VILL: variants seen among roughly 807,000 people sequenced by gnomAD.
VILL encodes villin like.
Under a neutral mutation model 106.3 loss-of-function variants are expected in VILL, and 102 were observed. The ratio of observed to expected loss-of-function variants is 0.96; its 90% CI spans 0.82 to 1.13. VILL has a LOEUF of 1.13. Among genes scored for constraint, VILL ranks in the 50% most tolerant of loss-of-function variants. The pLI is 0.00. For missense variants in VILL, 1,076 were observed against 1,116.6 expected (o/e 0.96, Z 0.52); for synonymous variants, 431 against 440.3 (o/e 0.98, Z 0.27).
upstream of VILL, among the ~76,000 whole-genome samples, chr3:37,988,448 CTA>C (rs1324198219): frequency 6.6e-6 from 1 of 152,132 alleles, no homozygotes; most frequent in Admixed American, 6.5e-5. Context: ...AATGGGGAGT[CTA>C]TGTTTAATGG....
Position 38,004,349 on chromosome 3 carries a change from C to A in VILL, c.1900C>A (p.Gln634Lys). ...LVLAEVGFFS[Q>K]EDLDKYDIML... ...CCTCGCAGAAGTGGGGTTCTTCAGC[C>A]AGGAGGACCTGGACAAGTATGACAT... Residue 634 changes from glutamine to lysine, a missense_variant, in exon 16 of 20, where the codon CAG (glutamine) becomes AAG (lysine). Gln to Lys is a moderately conservative substitution (Grantham distance 53). Transcript: ENST00000383759. 1 of 1,613,768 alleles carries A rather than the reference C, an allele frequency of 6.2e-7. No individual in the cohort carries two copies. The highest frequency in any genetic ancestry group is 2.2e-5 in the East Asian group (1 of 44,856).
At chr3:38,002,234 C>T (rs1437470943) in intron 13 of VILL, 162 bp from the exon 14 acceptor site, 1 of 676,370 alleles carries the variant, frequency 1.5e-6, no homozygotes, top group Non-Finnish European at 2.5e-6. Context: ...GATTCCTGCA[C>T]TCCACACTTA....
chr3:37,992,934 T>C (rs543315116), intron 1 of VILL, among the ~76,000 whole-genome samples: 5 of 152,158 alleles, frequency 3.3e-5, no homozygotes, highest in Non-Finnish European at 7.4e-5. Context: ...GTTCCTGCTA[T>C]TGATAAGACA....
At chr3:37,994,212 G>C (rs983169136) in intron 3 of VILL, 49 bp from the exon 4 acceptor site, 1 of 1,553,842 alleles carries the variant, frequency 6.4e-7, no homozygotes, top group South Asian at 1.2e-5. Flanking sequence ...TTCTCCACCC[G>C]CACCTCCGTC....
chr3:37,997,019 C>T lies in VILL; in HGVS notation c.451-58C>T, dbSNP rs2125531734. The T allele has an allele frequency of 1.3e-6, 2 of 1,496,910 alleles. No homozygotes were observed. The highest frequency in any genetic ancestry group is 1.4e-5 in the African/African-American group (1 of 72,704). 92.7% of individuals were successfully genotyped at this position (1,496,910 alleles called of 1,614,324 possible). On this transcript the variant is annotated intron_variant, in intron 5 of 19. Transcript: ENST00000383759. This position sits in a 1 kb window ranked among gnomAD's most constrained non-coding sequence, Gnocchi z 4.7. ...GCACACGTGACACATCCCAGCTATG[C>T]TCCCCTCTAGCGGATGCTGGTGGTA...
intron 4 of VILL, among the ~76,000 whole-genome samples, 165 bp downstream of exon 4, chr3:37,994,631 T>TA (rs1443916366): frequency 6.6e-6 from 1 of 152,244 alleles, no homozygotes; most frequent in Non-Finnish European, 1.5e-5. Flanking sequence ...TTCACCCATT[T>TA]AAAGTACATA....
chr3:38,002,686 A>G, intron 14 of VILL, 111 bp downstream of exon 14: 1 of 1,219,016 alleles, frequency 8.2e-7, no homozygotes, highest in South Asian at 1.5e-5. Flanking sequence ...AGATAGGCCG[A>G]TGGGGGGAAT....
Position 37,993,651 on chromosome 3 carries a change from C to T in VILL, c.-22C>T. On this transcript the variant is annotated 5_prime_UTR_variant, in exon 2 of 20. Transcript: ENST00000383759. ...TCTGGCTGTTGTTCCTTGTGTCGTC[C>T]CATATTCCTGCCTGGCCTGCGATGG... 2 of 1,612,880 alleles carry T rather than the reference C, an allele frequency of 1.2e-6. No individual in the cohort carries two copies. The highest frequency in any genetic ancestry group is 4.5e-5 in the East Asian group (2 of 44,852).
intron 15 of VILL, 165 bp from the exon 16 acceptor site, chr3:38,004,090 C>A: frequency 1.2e-6 from 1 of 864,898 alleles, no homozygotes; most frequent in Non-Finnish European, 1.7e-6. Flanking sequence ...GGACCCTGTA[C>A]CCAGAGCAGA....
chr3:38,004,173 C>T, intron 15 of VILL, 82 bp from the exon 16 acceptor site: 4 of 1,529,136 alleles, frequency 2.6e-6, no homozygotes, highest in Non-Finnish European at 3.5e-6. Context: ...AGTGGCTTCC[C>T]AGGCCCTGGG....
rs755331784 is a variant in VILL at position 37,998,370 on chromosome 3, C to A, written c.942+6C>A. 1 of 1,613,826 alleles carries A rather than the reference C, an allele frequency of 6.2e-7. No individual in the cohort carries two copies. The highest frequency in any genetic ancestry group is 1.1e-5 in the South Asian group (1 of 91,064). On this transcript the variant is annotated splice_donor_region_variant and intron_variant, in intron 9 of 19. Transcript: ENST00000383759. This position sits in a 1 kb window ranked among gnomAD's most constrained non-coding sequence, Gnocchi z 4.1. ...CTGCCTTCAGCCGGGCTGTGGTGAGCCCTGGGGCTCTGTCTGAGAGGAACA... is the reference window on the plus strand; with the variant it reads ...CTGCCTTCAGCCGGGCTGTGGTGAGACCTGGGGCTCTGTCTGAGAGGAACA...
rs1391338532 is a variant in VILL, at chr3:38,002,180, A to G, written c.1480-216A>G. On this transcript the variant is annotated intron_variant, in intron 13 of 19. Coordinates refer to ENST00000383759, the MANE Select transcript of VILL (RefSeq NM_015873.4). ...GCCCCAACCACTCAGAGATGGGGGG[A>G]AAGGTCCATTTAAAAAGGGTCTGTC... The G allele has an allele frequency of 4.7e-6, 3 of 634,424 alleles. No homozygotes were observed. In the African/African-American group the frequency reaches 5.5e-5, roughly 12 times the overall value. 39.3% of individuals were successfully genotyped at this position (634,424 alleles called of 1,614,324 possible).
chr3:38,002,110 G>C (rs922954763), intron 13 of VILL: 4 of 669,130 alleles, frequency 6.0e-6, no homozygotes, highest in Non-Finnish European at 1.0e-5. Flanking sequence ...CTGCACACTA[G>C]CAAACCTGGT....
At chr3:37,994,529 C>T (rs1358358629) in intron 4 of VILL, 63 bp downstream of exon 4, 8 of 1,564,204 alleles carry the variant, frequency 5.1e-6, no homozygotes, top group South Asian at 1.2e-5. Context: ...CTGGGGCAGT[C>T]TTGGGATGGC....
At chr3:37,995,910 TAAG>T in intron 5 of VILL, 63 bp downstream of exon 5, 1 of 1,412,030 alleles carries the variant, frequency 7.1e-7, no homozygotes, top group Non-Finnish European at 1.0e-6. Context: ...TACTGAGGTA[TAAG>T]GAGGTTGGAA....
At chr3:37,989,113 T>G (rs555055170), upstream of VILL, among the ~76,000 whole-genome samples, 1 of 152,044 alleles carries the variant, frequency 6.6e-6, no homozygotes, top group African/African-American at 2.4e-5. Flanking sequence ...GGATCCACCA[T>G]GAACCAGCTG....
In VILL at chr3:37,998,545, C is replaced by T. The variant is rs1255844302; in HGVS notation, c.942+181C>T. Among the ~76,000 whole-genome samples, 1 of 152,162 alleles carries T rather than the reference C, an allele frequency of 6.6e-6. No individual in the cohort carries two copies. The highest frequency in any genetic ancestry group is 1.9e-4 in the East Asian group (1 of 5,180). On this transcript the variant is annotated intron_variant, in intron 9 of 19. Coordinates refer to ENST00000383759, the MANE Select transcript of VILL (RefSeq NM_015873.4). The surrounding 1 kb of genome is among the most constrained non-coding windows in gnomAD (Gnocchi z 4.1). ...GCCCTGGGAGCCCTGAGAGTAAAGA[C>T]CAGGTGGCCTCTGAGAAACCATGTG...
rs899336013 is a variant in VILL, at chr3:38,004,265, G to A, written c.1816G>A (p.Glu606Lys). Residue 606 changes from glutamate to lysine, a missense_variant, in exon 16 of 20, where the codon GAG (glutamate) becomes AAG (lysine). Physicochemically the swap from Glu to Lys is moderately conservative, Grantham distance 56. Transcript: ENST00000383759. The part of the protein sequence containing the change: ...PYPSNKRLPE[E>K]VPSFQPRLFE... Reference sequence around the variant, plus strand: ...GTCCGTGCTGGCCAGGCTCCCTGAGGAGGTCCCCAGCTTCCAGCCACGACT... The same window carrying A: ...GTCCGTGCTGGCCAGGCTCCCTGAGAAGGTCCCCAGCTTCCAGCCACGACT... 1 of 1,611,524 alleles carries A rather than the reference G, an allele frequency of 6.2e-7. No individual in the cohort carries two copies. The highest frequency in any genetic ancestry group is 1.3e-5 in the African/African-American group (1 of 74,922).
At position 37,993,979 on chromosome 3, in the gene VILL, C is replaced by A. The variant is rs768784981; in HGVS notation, c.135+7C>A. On this transcript the variant is annotated splice_region_variant and intron_variant, in intron 3 of 19. Coordinates refer to ENST00000383759, the MANE Select transcript of VILL (RefSeq NM_015873.4). ...CTGCTATGTCATCCTCCACGTGAGT[C>A]GCTTGGGGAAGTCTGCCTGAGAGGG... is the stretch of plus-strand genomic sequence containing the variant. 1 of 1,614,132 alleles carries A rather than the reference C, an allele frequency of 6.2e-7. No homozygotes were observed. Among genetic ancestry groups the A allele is most frequent in the Admixed American group, 1.7e-5 (1 of 60,026 alleles).
Sources: gnomAD v4.1 joint callset for allele counts (sites outside exome capture counted in the v4.1 genomes callset) on GRCh38, gnomAD v4.1.1 for gene constraint, Gnocchi (gnomAD v3.1) non-coding constraint, MANE v1.5 for transcripts, NCBI Gene and HGNC (gene_info 2026-07-23, HGNC 2026-07-21) for gene names.